CSMD3: variants seen among roughly 807,000 people sequenced by gnomAD.
The protein encoded by CSMD3 is CUB and sushi domain-containing protein 3.
In CSMD3, 177 loss-of-function variants were observed where a neutral mutation model predicts 435.2. The ratio of observed to expected loss-of-function variants is 0.41; its 90% CI spans 0.36 to 0.46. CSMD3 has a LOEUF of 0.46. Ranked by LOEUF, CSMD3 falls within the 20% of genes least tolerant of loss-of-function variation. The probability of loss-of-function intolerance (pLI) is 0.34; values close to 1 mark genes in which losing one functional copy is unlikely to be tolerated. For synonymous variants in CSMD3, 1,656 were observed against 1,520.5 expected (o/e 1.09, Z -2.07); for missense variants, 4,265 against 4,504.6 (o/e 0.95, Z 1.52).
intron 1 of CSMD3, among the ~76,000 whole-genome samples, chr8:113,393,494 G>A (rs1029887401): frequency 6.6e-6 from 1 of 151,984 alleles, no homozygotes; most frequent in Non-Finnish European, 1.5e-5. Flanking sequence ...TCATGATAAG[G>A]TACCTGCCAT....
At chr8:112,317,645 A>G (rs978159563) in intron 47 of CSMD3, among the ~76,000 whole-genome samples, 6 of 152,020 alleles carry the variant, frequency 3.9e-5, no homozygotes, top group African/African-American at 1.4e-4. Flanking sequence ...TTCTCAACCA[A>G]CTTCAAGATG....
chr8:112,253,229 C>T (rs1397296427), intron 63 of CSMD3, among the ~76,000 whole-genome samples: 1 of 151,750 alleles, frequency 6.6e-6, no homozygotes, highest in African/African-American at 2.4e-5. Flanking sequence ...CAGCTAGTTG[C>T]CCATTTTTCA....
rs1246823535 is a variant in CSMD3 at position 113,375,534 on chromosome 8, C to CACACACACAT, written c.179-60742_179-60741insATGTGTGTGT. On this transcript the variant is annotated intron_variant, in intron 1 of 70. Coordinates refer to ENST00000297405, the MANE Select transcript of CSMD3 (RefSeq NM_198123.2). ...TTTAATACACACACACACACACACA[C>CACACACACAT]ACACACACACACGTGTCATGCCGAG... 2.4e-5 allele frequency among the ~76,000 whole-genome samples: 3 copies of CACACACACAT among 124,068 alleles called. No homozygotes were observed. The East Asian group carries it at 8.1e-4, about 34-fold the overall frequency. The allele number at this position is 124,068 out of a possible 152,430, so 81.4% of individuals were successfully genotyped here.
rs2093835342 is a variant in CSMD3 at position 113,308,026 on chromosome 8, GT to G, written c.401+6544del. 2.0e-5 allele frequency among the ~76,000 whole-genome samples: 3 copies of G among 151,998 alleles called. No homozygotes were observed. The South Asian group carries it at 6.2e-4, about 32-fold the overall frequency. On this transcript the variant is annotated intron_variant, in intron 2 of 70. Transcript: ENST00000297405. ...TTCATTTTACCCATGGCTATAGAGT[GT>G]TTCTCTATTTTACAACTTTATGTGT...
chr8:112,926,687 G>A (rs1395681122), intron 9 of CSMD3, among the ~76,000 whole-genome samples: 3 of 151,940 alleles, frequency 2.0e-5, no homozygotes, highest in African/African-American at 7.3e-5. Context: ...GCCCAAGATA[G>A]TGAATCTATA....
At chr8:112,309,867 G>T (rs73704005) in intron 50 of CSMD3, among the ~76,000 whole-genome samples, 2,692 of 151,942 alleles carry the variant, frequency 0.018, 79 homozygotes, top group African/African-American at 0.061. Flanking sequence ...ACTTATTATT[G>T]GTTGATTTTA....
rs148859545 is a variant in CSMD3, at chr8:113,421,831, A to G, written c.178+14846T>C. Among the ~76,000 whole-genome samples, 9 of 152,324 alleles carry G rather than the reference A, an allele frequency of 5.9e-5. No individual in the cohort carries two copies. In the East Asian group the frequency reaches 1.7e-3, roughly 29 times the overall value. On this transcript the variant is annotated intron_variant, in intron 1 of 70. Coordinates refer to ENST00000297405, the MANE Select transcript of CSMD3 (RefSeq NM_198123.2). The stretch of plus-strand genomic sequence containing the variant: ...AGCCAGGAAAGATCTATCAAATACC[A>G]TGGAAAGATTAACCACTAATGAAGA...
intron 3 of CSMD3, among the ~76,000 whole-genome samples, chr8:113,211,221 T>A (rs1442011727): frequency 6.6e-6 from 1 of 152,150 alleles, no homozygotes; most frequent in East Asian, 1.9e-4. Flanking sequence ...TAGAGAATAA[T>A]TTTCTCCTTT....
At chr8:112,446,976 G>T (rs930454184) in intron 32 of CSMD3, among the ~76,000 whole-genome samples, 1 of 152,020 alleles carries the variant, frequency 6.6e-6, no homozygotes, top group African/African-American at 2.4e-5. Flanking sequence ...ATTGATTGAG[G>T]TTGTTGTTCA....
chr8:112,886,715 T>G (rs975126359), intron 10 of CSMD3, among the ~76,000 whole-genome samples: 1 of 151,426 alleles, frequency 6.6e-6, no homozygotes, highest in Non-Finnish European at 1.5e-5. Flanking sequence ...GTGCCAGAAC[T>G]CCCCTTGGAT....
At chr8:112,598,311 G>T (rs1378659845) in intron 22 of CSMD3, among the ~76,000 whole-genome samples, 3 of 147,508 alleles carry the variant, frequency 2.0e-5, no homozygotes, top group Admixed American at 6.8e-5. Context: ...CAACTTACAA[G>T]GGATGGGAAG....
intron 32 of CSMD3, among the ~76,000 whole-genome samples, chr8:112,466,404 T>C (rs562887791): frequency 6.6e-6 from 1 of 152,142 alleles, no homozygotes; most frequent in Admixed American, 6.5e-5. Flanking sequence ...TGCTGAATTG[T>C]TAAAAAAAAC....
intron 10 of CSMD3, among the ~76,000 whole-genome samples, chr8:112,904,871 C>T (rs980986698): frequency 6.6e-5 from 10 of 151,384 alleles, no homozygotes; most frequent in African/African-American, 2.4e-4. Context: ...GAAAAAGCCA[C>T]CTGCCTCTCT....
chr8:112,486,622 A>G (rs1010153927), intron 31 of CSMD3, among the ~76,000 whole-genome samples: 6 of 152,052 alleles, frequency 3.9e-5, no homozygotes, highest in Non-Finnish European at 8.8e-5. Context: ...TATATGCTGA[A>G]CCCTAGTTGT....
At chr8:112,493,189 T>C (rs1820876785) in intron 30 of CSMD3, among the ~76,000 whole-genome samples, 1 of 152,130 alleles carries the variant, frequency 6.6e-6, no homozygotes, top group South Asian at 2.1e-4. Context: ...ATAAATAAAT[T>C]CTAAAGATCT....
At chr8:112,994,058 C>T (rs901898259) in intron 6 of CSMD3, among the ~76,000 whole-genome samples, 9 of 151,558 alleles carry the variant, frequency 5.9e-5, no homozygotes, top group Non-Finnish European at 1.0e-4. Context: ...GAGATTACAC[C>T]AAGGAAGAAG....
intron 4 of CSMD3, among the ~76,000 whole-genome samples, chr8:113,102,784 T>C (rs2090367718): frequency 6.6e-6 from 1 of 152,058 alleles, no homozygotes; most frequent in Non-Finnish European, 1.5e-5. Context: ...CCAAATCCAA[T>C]TGGAAGGGCA....
chr8:113,000,942 C>A (rs2085839367), intron 6 of CSMD3, among the ~76,000 whole-genome samples: 1 of 151,888 alleles, frequency 6.6e-6, no homozygotes, highest in Admixed American at 6.6e-5. Context: ...TCTTTTTTCC[C>A]CCATCTAAAT....
intron 31 of CSMD3, among the ~76,000 whole-genome samples, chr8:112,482,289 C>A (rs1256514891): frequency 1.3e-5 from 2 of 152,174 alleles, no homozygotes; most frequent in African/African-American, 4.8e-5. Flanking sequence ...TTACCACATA[C>A]AAATTCTACT....
Sources: allele counts gnomAD v4.1 joint callset (sites outside exome capture counted in the v4.1 genomes callset), GRCh38; gene constraint gnomAD v4.1.1; transcripts MANE v1.5; gene names NCBI Gene and HGNC (gene_info 2026-07-23, HGNC 2026-07-21).